Variants in SYCP1 observed in about 807,000 individuals in gnomAD.
SYCP1 encodes the protein cancer/testis antigen 8.
Under a neutral mutation model 153.1 loss-of-function variants are expected in SYCP1, and 64 were observed. The observed-to-expected ratio is 0.42, with a 90% CI of 0.34 to 0.51. The LOEUF is 0.51. Among genes scored for constraint, SYCP1 ranks in the 20% least tolerant of loss-of-function variants. SYCP1 has a pLI of 0.06. For synonymous variants in SYCP1, 384 were observed against 341.8 expected, an observed-to-expected ratio of 1.12 and a Z score of -1.36; for missense variants, 997 against 1,049.0, an observed-to-expected ratio of 0.95 and a Z score of 0.68.
Position 114,887,621 on chromosome 1 carries a change from A to G in SYCP1, c.1191-5A>G, listed in dbSNP as rs112108067. ...TTTTGTATTGAAAATGATATATTTT[A>G]CAAGATTGGAAAAAAATGAAGATCA... is the stretch of plus-strand genomic sequence containing the variant. On this transcript the variant is annotated splice_polypyrimidine_tract_variant and splice_region_variant and intron_variant, in intron 14 of 31. Transcript: ENST00000369522. 11 of 1,530,534 alleles carry G rather than the reference A, an allele frequency of 7.2e-6. No individual in the cohort carries two copies. The African/African-American group carries it at 1.5e-4, about 21-fold the overall frequency. The allele number at this position is 1,530,534 out of a possible 1,614,324, so 94.8% of individuals were successfully genotyped here.
intron 29 of SYCP1, 53 bp from the exon 30 acceptor site, chr1:114,984,672 A>G: frequency 2.4e-6 from 3 of 1,239,216 alleles, no homozygotes; most frequent in East Asian, 2.9e-5. Flanking sequence ...CCCTTTATTA[A>G]TAATGCATAT....
intron 20 of SYCP1, among the ~76,000 whole-genome samples, chr1:114,915,113 G>GA (rs1176750781): frequency 6.6e-6 from 1 of 150,380 alleles, no homozygotes; most frequent in East Asian, 2.0e-4. Flanking sequence ...AAAAAACAAA[G>GA]AAAAAAACAA....
intron 20 of SYCP1, among the ~76,000 whole-genome samples, chr1:114,920,833 T>A (rs1450202083): frequency 6.6e-6 from 1 of 152,140 alleles, no homozygotes; most frequent in Non-Finnish European, 1.5e-5. Flanking sequence ...ATGGAGTTTC[T>A]TTTACCGTTC....
At chr1:114,889,742 G>A (rs958446772) in intron 15 of SYCP1, among the ~76,000 whole-genome samples, 6 of 152,164 alleles carry the variant, frequency 3.9e-5, no homozygotes, top group East Asian at 1.9e-4. Flanking sequence ...TTCTGTTGCC[G>A]TTGCTTTTGG....
At chr1:114,874,884 T>C (rs1346200736) in intron 9 of SYCP1, among the ~76,000 whole-genome samples, 1 of 152,160 alleles carries the variant, frequency 6.6e-6, no homozygotes, top group Admixed American at 6.5e-5. Flanking sequence ...CTGGCTTCTG[T>C]TTACCTTTGT....
intron 23 of SYCP1, among the ~76,000 whole-genome samples, chr1:114,942,146 A>G (rs1056960858): frequency 1.3e-5 from 2 of 152,104 alleles, no homozygotes; most frequent in African/African-American, 4.8e-5. Flanking sequence ...TATTAAAAGT[A>G]TCTGGAGAGA....
At chr1:114,909,014 CT>C (rs1668006893) in intron 16 of SYCP1, among the ~76,000 whole-genome samples, 1 of 152,284 alleles carries the variant, frequency 6.6e-6, no homozygotes, top group East Asian at 1.9e-4. Context: ...CAAAAATAAA[CT>C]TTATCTCACC....
chr1:114,929,294 CA>C (rs980217195), intron 23 of SYCP1, among the ~76,000 whole-genome samples: 3 of 151,470 alleles, frequency 2.0e-5, no homozygotes, highest in African/African-American at 7.3e-5. Flanking sequence ...GGCAGAGAAA[CA>C]AAAAAACAGA....
At chr1:114,990,048 A>G (rs1378101199) in intron 30 of SYCP1, among the ~76,000 whole-genome samples, 2 of 151,956 alleles carry the variant, frequency 1.3e-5, no homozygotes, top group East Asian at 1.9e-4. Flanking sequence ...CAGCATACAT[A>G]TTCTTTCAGG....
At chr1:114,979,735 C>A (rs1330512171) in intron 28 of SYCP1, among the ~76,000 whole-genome samples, 2 of 151,714 alleles carry the variant, frequency 1.3e-5, no homozygotes, top group African/African-American at 2.4e-5. Flanking sequence ...AATGACAGAT[C>A]ACTAGAATTA....
At chr1:114,979,887 C>T (rs1360182991) in intron 28 of SYCP1, among the ~76,000 whole-genome samples, 1 of 151,784 alleles carries the variant, frequency 6.6e-6, no homozygotes, top group African/African-American at 2.4e-5. Context: ...ATGTACCTGG[C>T]TCCTAGTTCA....
At chr1:114,988,743 G>A (rs1166145151) in intron 30 of SYCP1, among the ~76,000 whole-genome samples, 1 of 151,964 alleles carries the variant, frequency 6.6e-6, no homozygotes. Flanking sequence ...AAATACATGG[G>A]CAATTTATAA....
chr1:114,937,192 C>T (rs1670072123), intron 23 of SYCP1, among the ~76,000 whole-genome samples: 1 of 152,174 alleles, frequency 6.6e-6, no homozygotes, highest in South Asian at 2.1e-4. Context: ...TGTACCAAAA[C>T]AGAGATATAG....
intron 23 of SYCP1, among the ~76,000 whole-genome samples, chr1:114,930,585 G>A (rs360595): frequency 0.39 from 58,484 of 151,624 alleles, 12,493 homozygotes; most frequent in East Asian, 0.5. Flanking sequence ...AATTTCTTAT[G>A]TATCTTTTAG....
In SYCP1 at chr1:114,994,737, A is replaced by G; in HGVS notation, c.2743A>G (p.Arg915Gly). The G allele has an allele frequency of 6.3e-7, 1 of 1,591,974 alleles. No individual in the cohort carries two copies. Among genetic ancestry groups the G allele is most frequent in the South Asian group, 1.2e-5 (1 of 85,802 alleles). Residue 915 changes from arginine to glycine, a missense_variant, in exon 31 of 32, where the codon AGG (arginine) becomes GGG (glycine). By Grantham distance (125) the Arg-to-Gly change is moderately radical. Around this residue, in one of 2 missense-constraint regions of SYCP1, gnomAD observed 712 missense variants for 682.9 expected, o/e 1.04. Transcript: ENST00000369522. ...SEEETLKTLYRNNNPPASHLC... is the reference protein window; with the variant it reads ...SEEETLKTLYGNNNPPASHLC... Reference sequence around the variant, plus strand: ...AGAAGAGACATTGAAAACACTGTATAGGAACAATAATCCACCAGCTTCTCA... The same window carrying G: ...AGAAGAGACATTGAAAACACTGTATGGGAACAATAATCCACCAGCTTCTCA...
chr1:114,876,818 A>T lies in SYCP1; in HGVS notation c.801+8A>T, dbSNP rs766187243. 2.9e-6 allele frequency: 4 copies of T among 1,376,470 alleles called. No individual in the cohort carries two copies. In the African/African-American group the frequency reaches 4.5e-5, roughly 16 times the overall value. 85.3% of individuals were successfully genotyped at this position (1,376,470 alleles called of 1,614,324 possible). On this transcript the variant is annotated splice_region_variant and intron_variant, in intron 11 of 31. Transcript: ENST00000369522. Reference sequence around the variant, plus strand: ...AATGACAAGGAAAAGCAGGTTTTTTAAAAAACCAACTCTTTGTATTCTTTA... The same window carrying T: ...AATGACAAGGAAAAGCAGGTTTTTTTAAAAACCAACTCTTTGTATTCTTTA...
At chr1:114,926,238 A>G in intron 21 of SYCP1, 40 bp from the exon 22 acceptor site, 2 of 1,410,246 alleles carry the variant, frequency 1.4e-6, no homozygotes, top group Non-Finnish European at 1.9e-6. Flanking sequence ...TTCAACTGGT[A>G]TACTGAATAA....
At chr1:114,901,819 A>G (rs979890931) in intron 16 of SYCP1, among the ~76,000 whole-genome samples, 1 of 152,236 alleles carries the variant, frequency 6.6e-6, no homozygotes, top group Non-Finnish European at 1.5e-5. Flanking sequence ...TTCCAAAAAG[A>G]AAAAAACCTG....
chr1:114,932,587 C>T (rs1669704752), intron 23 of SYCP1, among the ~76,000 whole-genome samples: 1 of 152,164 alleles, frequency 6.6e-6, no homozygotes. Flanking sequence ...AGAGCGTGAG[C>T]TGAAGCAGGG....
Sources: gnomAD v4.1 joint callset for allele counts (sites outside exome capture counted in the v4.1 genomes callset) on GRCh38, gnomAD v4.1.1 for gene constraint, gnomAD v4.1.1 regional missense constraint, MANE v1.5 for transcripts, NCBI Gene and HGNC (gene_info 2026-07-23, HGNC 2026-07-21) for gene names.